NLGN1: variants seen among roughly 807,000 people sequenced by gnomAD.
NLGN1 encodes neuroligin-1.
NLGN1 carries 12 observed loss-of-function variants against 65.5 expected under a neutral mutation model. That is an observed-to-expected ratio of 0.18 (90% confidence interval 0.12 to 0.30). NLGN1 has a LOEUF of 0.30. Among genes scored for constraint, NLGN1 ranks in the 10% least tolerant of loss-of-function variants. The pLI is 1.00. For synonymous variants in NLGN1, 350 were observed against 359.5 expected (o/e 0.97, Z 0.30); for missense variants, 750 against 1,007.1 (o/e 0.74, Z 3.46).
At position 173,640,034 on chromosome 3, in the gene NLGN1, A is replaced by T. The variant is rs183011156; in HGVS notation, c.493+34943A>T. On this transcript the variant is annotated intron_variant, in intron 3 of 6. Transcript: ENST00000457714. ...ACTGCAATATTCTAATTCATTATTG[A>T]AAAAAGCTTTTAAAATCACCTATCT... 3.3e-3 allele frequency among the ~76,000 whole-genome samples: 509 copies of T among 152,252 alleles called. 1 individual carries two copies. Among genetic ancestry groups the T allele is most frequent in the African/African-American group, 0.012 (491 of 41,530 alleles).
intron 4 of NLGN1, among the ~76,000 whole-genome samples, chr3:174,129,189 T>A (rs1180825570): frequency 6.6e-6 from 1 of 151,906 alleles, no homozygotes; most frequent in Non-Finnish European, 1.5e-5. Flanking sequence ...TAGGGAAAGT[T>A]TTTATCCTCT....
intron 3 of NLGN1, among the ~76,000 whole-genome samples, chr3:173,738,075 CT>C (rs1216313845): frequency 1.3e-5 from 2 of 151,882 alleles, no homozygotes; most frequent in Non-Finnish European, 1.5e-5. Flanking sequence ...TATTTGGATT[CT>C]TTGCCCATTT....
At chr3:173,497,739 C>T (rs887321834) in intron 2 of NLGN1, among the ~76,000 whole-genome samples, 14 of 151,068 alleles carry the variant, frequency 9.3e-5, no homozygotes, top group Admixed American at 2.6e-4. Flanking sequence ...TAAGAATGAA[C>T]ATTTGCATTA....
chr3:174,063,698 GAGAC>G (rs2152522052), intron 4 of NLGN1, among the ~76,000 whole-genome samples: 1 of 152,216 alleles, frequency 6.6e-6, no homozygotes, highest in South Asian at 2.1e-4. Context: ...GGGAAACAGA[GAGAC>G]AGAGACAGAA....
At chr3:173,640,097 G>C (rs1471052691) in intron 3 of NLGN1, among the ~76,000 whole-genome samples, 1 of 151,878 alleles carries the variant, frequency 6.6e-6, no homozygotes, top group Non-Finnish European at 1.5e-5. Flanking sequence ...AGGACAACGG[G>C]GTGCATAATA....
intron 4 of NLGN1, among the ~76,000 whole-genome samples, chr3:173,969,925 AG>A (rs1715808123): frequency 6.6e-6 from 1 of 151,762 alleles, no homozygotes. Flanking sequence ...AAAAAAAAAA[AG>A]ATCTAACCAC....
intron 4 of NLGN1, among the ~76,000 whole-genome samples, chr3:173,941,695 G>T (rs572149137): frequency 6.6e-6 from 1 of 151,704 alleles, no homozygotes; most frequent in Non-Finnish European, 1.5e-5. Flanking sequence ...TATATATAGT[G>T]TGTATATATA....
At chr3:173,792,939 T>C (rs1713139421) in intron 3 of NLGN1, among the ~76,000 whole-genome samples, 1 of 152,130 alleles carries the variant, frequency 6.6e-6, no homozygotes, top group Non-Finnish European at 1.5e-5. Context: ...TTTTCATCTG[T>C]CTTGTTTTAG....
At chr3:173,781,426 T>C (rs1394071213) in intron 3 of NLGN1, among the ~76,000 whole-genome samples, 1 of 152,220 alleles carries the variant, frequency 6.6e-6, no homozygotes, top group East Asian at 1.9e-4. Context: ...ATCTACCTAA[T>C]TCATTTTAGT....
At chr3:173,425,353 C>CT (rs35263919) in intron 1 of NLGN1, among the ~76,000 whole-genome samples, 6,196 of 149,110 alleles carry the variant, frequency 0.042, 400 homozygotes, top group African/African-American at 0.14. Flanking sequence ...TATGCAGAGG[C>CT]TTTTTTTTTT....
chr3:173,467,570 A>G (rs556256646), intron 2 of NLGN1, among the ~76,000 whole-genome samples: 2 of 152,136 alleles, frequency 1.3e-5, no homozygotes, highest in Non-Finnish European at 1.5e-5. Flanking sequence ...ATTCCTTGTC[A>G]TCAGCAGACA....
intron 4 of NLGN1, among the ~76,000 whole-genome samples, chr3:174,242,224 A>C (rs909094540): frequency 6.6e-6 from 1 of 151,812 alleles, no homozygotes; most frequent in African/African-American, 2.4e-5. Context: ...TGCTTGGTAC[A>C]CCATAAATCA....
chr3:173,848,982 G>A (rs1228811152), intron 4 of NLGN1, among the ~76,000 whole-genome samples: 1 of 152,154 alleles, frequency 6.6e-6, no homozygotes, highest in Non-Finnish European at 1.5e-5. Flanking sequence ...GGTTGCATAT[G>A]AGCTGAGAAA....
At chr3:173,770,069 G>A (rs1779360840) in intron 3 of NLGN1, among the ~76,000 whole-genome samples, 1 of 152,106 alleles carries the variant, frequency 6.6e-6, no homozygotes, top group Admixed American at 6.5e-5. Context: ...CTAGAGCTCT[G>A]GAAAATGTCC....
intron 3 of NLGN1, among the ~76,000 whole-genome samples, chr3:173,682,832 A>G (rs1764137141): frequency 6.6e-6 from 1 of 152,134 alleles, no homozygotes; most frequent in Non-Finnish European, 1.5e-5. Flanking sequence ...TGAGGTGTCA[A>G]TGAATTATAT....
intron 4 of NLGN1, among the ~76,000 whole-genome samples, chr3:173,958,262 CATCCCGG>C (rs747170941): frequency 2.0e-5 from 3 of 151,808 alleles, no homozygotes; most frequent in Non-Finnish European, 4.4e-5. Context: ...TCCTGTCTGA[CATCCCGG>C]AAAAACGAAG....
rs376936140 is a variant in NLGN1 at position 174,186,452 on chromosome 3, A to G, written c.647-88863A>G. Among the ~76,000 whole-genome samples, 25 of 152,184 alleles carry G rather than the reference A, an allele frequency of 1.6e-4. 1 individual carries two copies. The East Asian group carries it at 4.1e-3, about 25-fold the overall frequency. The stretch of plus-strand genomic sequence containing the variant: ...AATGTCACCAAAGACTAATCAGAAC[A>G]AATTGCAAGAGTTTTTCCTAATGTC... On this transcript the variant is annotated intron_variant, in intron 4 of 6. Transcript: ENST00000457714.
chr3:173,735,741 A>AG (rs1773638223), intron 3 of NLGN1, among the ~76,000 whole-genome samples: 1 of 152,108 alleles, frequency 6.6e-6, no homozygotes, highest in Non-Finnish European at 1.5e-5. Flanking sequence ...GTCTTGAAAT[A>AG]ACATTAAAGA....
At chr3:173,508,303 G>C (rs907365283) in intron 2 of NLGN1, among the ~76,000 whole-genome samples, 1 of 152,090 alleles carries the variant, frequency 6.6e-6, no homozygotes, top group African/African-American at 2.4e-5. Flanking sequence ...TGATCAATGA[G>C]GTAATAAATT....
Sources: allele counts gnomAD v4.1 joint callset (sites outside exome capture counted in the v4.1 genomes callset), GRCh38; gene constraint gnomAD v4.1.1; transcripts MANE v1.5; gene names NCBI Gene and HGNC (gene_info 2026-07-23, HGNC 2026-07-21).